USPL1: variants seen among roughly 807,000 people sequenced by gnomAD.
USPL1 encodes the protein ubiquitin specific peptidase like 1.
USPL1 carries 27 observed loss-of-function variants against 51.5 expected under a neutral mutation model. The observed-to-expected ratio is 0.52, with a 90% CI of 0.39 to 0.72. The LOEUF is 0.72. USPL1 is among the 30% of genes least tolerant of loss of function. The pLI, the probability that USPL1 is intolerant of heterozygous loss-of-function variation, is 0.00. For synonymous variants in USPL1, 451 were observed against 459.6 expected (o/e 0.98, Z 0.24); for missense variants, 1,226 against 1,268.0 (o/e 0.97, Z 0.50).
chr13:30,635,020 C>T (rs1265148683), intron 4 of USPL1, among the ~76,000 whole-genome samples: 3 of 152,112 alleles, frequency 2.0e-5, no homozygotes, highest in Non-Finnish European at 2.9e-5. Flanking sequence ...CCTATTTGTT[C>T]TGTTCTGTTG....
intron 4 of USPL1, among the ~76,000 whole-genome samples, chr13:30,635,920 G>A (rs1452139620): frequency 1.3e-5 from 2 of 152,166 alleles, no homozygotes; most frequent in African/African-American, 2.4e-5. Context: ...CAGAATGGTT[G>A]TACCAATATA....
At chr13:30,648,597 T>G (rs1353150206) in intron 7 of USPL1, among the ~76,000 whole-genome samples, 1 of 152,212 alleles carries the variant, frequency 6.6e-6, no homozygotes, top group Non-Finnish European at 1.5e-5. Flanking sequence ...ACTCATGTCT[T>G]CACTTTGCCC....
chr13:30,643,535 G>A (rs1219173193), intron 6 of USPL1, among the ~76,000 whole-genome samples: 2 of 151,344 alleles, frequency 1.3e-5, no homozygotes, highest in Non-Finnish European at 2.9e-5. Context: ...TGGCAGTTAG[G>A]AAGATGACCA....
chr13:30,625,368 T>C (rs1414909126), intron 3 of USPL1, among the ~76,000 whole-genome samples: 1 of 152,108 alleles, frequency 6.6e-6, no homozygotes, highest in Non-Finnish European at 1.5e-5. Context: ...AGAGAAGTCC[T>C]TGTCCCCAGG....
At chr13:30,651,528 A>G (rs1014196959) in intron 7 of USPL1, among the ~76,000 whole-genome samples, 2 of 152,262 alleles carry the variant, frequency 1.3e-5, no homozygotes, top group Non-Finnish European at 2.9e-5. Context: ...ATATGTCTTA[A>G]GATATTTTCC....
At chr13:30,657,365 TCTC>T in intron 8 of USPL1, 106 bp from the exon 9 acceptor site, 2 of 1,107,930 alleles carry the variant, frequency 1.8e-6, no homozygotes, top group Admixed American at 2.9e-5. Flanking sequence ...TTTAGAGTCT[TCTC>T]CTTTGGTCGG....
chr13:30,628,043 A>ATTTTTTTTTTTTTTTTTTTT (rs202119827), intron 3 of USPL1, among the ~76,000 whole-genome samples: 4 of 127,012 alleles, frequency 3.1e-5, no homozygotes, highest in Non-Finnish European at 1.6e-5. Context: ...TGCCTGGCTA[A>ATTTTTTTTTTTTTTTTTTTT]TTTTTTTTTT....
intron 4 of USPL1, among the ~76,000 whole-genome samples, chr13:30,635,012 T>A (rs987724666): frequency 6.6e-6 from 1 of 152,222 alleles, no homozygotes; most frequent in South Asian, 2.1e-4. Context: ...ATCTTATCCC[T>A]ATTTGTTCTG....
rs1210046629 is a variant in USPL1 at position 30,660,525 on chromosome 13, T to A, written c.*1169T>A. 1 of 152,182 alleles carries A rather than the reference T, an allele frequency of 6.6e-6. No individual in the cohort carries two copies. The highest frequency in any genetic ancestry group is 1.5e-5 in the Non-Finnish European group (1 of 68,032). The allele number at this position is 152,182 out of a possible 1,614,324, so 9.4% of individuals were successfully genotyped here. A position where few individuals can be genotyped will look rare whatever the true frequency, so the allele number is the denominator to read the frequency against. On this transcript the variant is annotated 3_prime_UTR_variant, in exon 9 of 9. Transcript: ENST00000255304. The stretch of plus-strand genomic sequence containing the variant: ...CTGCCACCATCATTAGTTCAAGAGT[T>A]TATGCAGATTTAAGTTGTATACGGT...
chr13:30,655,522 G>A (rs1951150548), intron 8 of USPL1, among the ~76,000 whole-genome samples: 1 of 152,156 alleles, frequency 6.6e-6, no homozygotes, highest in Non-Finnish European at 1.5e-5. Context: ...CTTAAGATAA[G>A]GTCTTTCTGA....
intron 3 of USPL1, among the ~76,000 whole-genome samples, chr13:30,629,202 C>T (rs7318091): frequency 0.41 from 62,786 of 151,980 alleles, 13,376 homozygotes; most frequent in Middle Eastern, 0.64. Flanking sequence ...GAAACTTAGT[C>T]GCTCAAAAAT....
chr13:30,637,709 A>G (rs373743599), intron 4 of USPL1, 35 bp from the exon 5 acceptor site: 14 of 1,491,200 alleles, frequency 9.4e-6, no homozygotes, highest in Non-Finnish European at 1.2e-5. Context: ...ATATACATTG[A>G]TGAGGAATTG....
rs2137674549 is a variant in USPL1, at chr13:30,642,609, C to T, written c.983-19C>T. The T allele has an allele frequency of 6.3e-7, 1 of 1,596,472 alleles. No individual in the cohort carries two copies. Among genetic ancestry groups the T allele is most frequent in the Non-Finnish European group, 8.5e-7 (1 of 1,175,104 alleles). On this transcript the variant is annotated intron_variant, in intron 5 of 8. Coordinates refer to ENST00000255304, the MANE Select transcript of USPL1 (RefSeq NM_005800.5). Reference sequence around the variant, plus strand: ...CCATTATTGATTATGAGCAGTAATTCTTCCTTTTCTTTTTGAAGGTGATAT... The same window carrying T: ...CCATTATTGATTATGAGCAGTAATTTTTCCTTTTCTTTTTGAAGGTGATAT...
chr13:30,634,211 C>T (rs1950844737), intron 4 of USPL1, among the ~76,000 whole-genome samples: 1 of 152,176 alleles, frequency 6.6e-6, no homozygotes, highest in South Asian at 2.1e-4. Context: ...TAGATCGCAT[C>T]ACCAAGATGG....
At position 30,631,206 on chromosome 13, in the gene USPL1, C is replaced by G. The variant is rs1950800177; in HGVS notation, c.600C>G (p.Ser200=). The G allele has an allele frequency of 6.2e-7, 1 of 1,614,026 alleles. No homozygotes were observed. Among genetic ancestry groups the G allele is most frequent in the Admixed American group, 1.7e-5 (1 of 60,000 alleles). The stretch of plus-strand genomic sequence containing the variant: ...ATGTCTCTGGAACTGGCAGACCTTC[C>G]CCTCAAAATGAAGGATGTACATCTA... ...TVDVSGTGRP[S]PQNEGCTSKL... The change falls in exon 4 of 9, where the codon TCC becomes TCG. Residue 200 remains serine, a synonymous_variant. Coordinates refer to ENST00000255304, the MANE Select transcript of USPL1 (RefSeq NM_005800.5).
At chr13:30,653,591 G>T (rs202006469) in intron 8 of USPL1, among the ~76,000 whole-genome samples, 1 of 151,032 alleles carries the variant, frequency 6.6e-6, no homozygotes, top group East Asian at 1.9e-4. Flanking sequence ...TGTTAGCTCA[G>T]TTTTTTTTTC....
At chr13:30,646,863 T>C (rs1273207154) in intron 6 of USPL1, 69 bp from the exon 7 acceptor site, 10 of 1,524,756 alleles carry the variant, frequency 6.6e-6, no homozygotes, top group African/African-American at 2.8e-5. Flanking sequence ...AGGAATACTT[T>C]TAGACATTGG....
In USPL1 at chr13:30,657,553, A is replaced by G; in HGVS notation, c.1476A>G (p.Ile492Met). The G allele has an allele frequency of 6.2e-7, 1 of 1,614,132 alleles. No individual in the cohort carries two copies. The highest frequency in any genetic ancestry group is 8.5e-7 in the Non-Finnish European group (1 of 1,180,002). The change falls in exon 9 of 9, where the codon ATA becomes ATG. Residue 492 changes from isoleucine to methionine, a missense_variant. By Grantham distance (10) the Ile-to-Met change is conservative (BLOSUM62 1). Transcript: ENST00000255304. ...HKKFEVPASE[I>M]HIVIWERKIS... ...AATTTGAAGTTCCTGCTTCAGAGAT[A>G]CATATTGTTATTTGGGAAAGAAAAA...
chr13:30,659,399 TAGA>T lies in USPL1; in HGVS notation c.*48_*50del, dbSNP rs1951225408. 6 of 1,422,850 alleles carry T rather than the reference TAGA, an allele frequency of 4.2e-6. No homozygotes were observed. Among genetic ancestry groups the T allele is most frequent in the Admixed American group, 2.5e-5 (1 of 39,862 alleles). The allele number at this position is 1,422,850 out of a possible 1,614,324, so 88.1% of individuals were successfully genotyped here. A position where few individuals can be genotyped will look rare whatever the true frequency, so the allele number is the denominator to read the frequency against. On this transcript the variant is annotated 3_prime_UTR_variant, in exon 9 of 9. Transcript: ENST00000255304. ...TTTTTCATATAATATTTATTATTAT[TAGA>T]AGAACTTACAATGTGTTCAGGTAGT... is the stretch of plus-strand genomic sequence containing the variant.
Sources: gnomAD v4.1 joint callset for allele counts (sites outside exome capture counted in the v4.1 genomes callset) on GRCh38, gnomAD v4.1.1 for gene constraint, MANE v1.5 for transcripts, NCBI Gene and HGNC (gene_info 2026-07-23, HGNC 2026-07-21) for gene names.